Variants in RUNX1 observed in about 807,000 individuals in gnomAD.
The protein encoded by RUNX1 is runt-related transcription factor 1.
A neutral mutation model predicts 42.8 loss-of-function variants in RUNX1; 19 were observed. The observed-to-expected ratio is 0.44, with a 90% CI of 0.31 to 0.65. The LOEUF (loss-of-function observed/expected upper bound fraction) is 0.65, where lower values mean the gene tolerates loss of function less well. RUNX1 is among the 30% of genes least tolerant of loss of function. RUNX1 has a pLI of 0.07. For missense variants in RUNX1, 528 were observed against 672.0 expected, an observed-to-expected ratio of 0.79 and a Z score of 2.37; for synonymous variants, 271 against 289.4, an observed-to-expected ratio of 0.94 and a Z score of 0.64.
intron 4 of RUNX1, among the ~76,000 whole-genome samples, chr21:34,885,630 A>G (rs1417303248): frequency 6.6e-6 from 1 of 152,250 alleles, no homozygotes; most frequent in East Asian, 1.9e-4. Context: ...AATAACCGCA[A>G]CAATACTTTT....
chr21:35,001,554 A>G (rs903385040), intron 2 of RUNX1, among the ~76,000 whole-genome samples: 4 of 152,164 alleles, frequency 2.6e-5, no homozygotes, highest in African/African-American at 9.7e-5. Context: ...CCGAATGATA[A>G]ACTACTGAAA....
chr21:34,818,072 A>G (rs963295303), intron 7 of RUNX1, among the ~76,000 whole-genome samples: 2 of 152,234 alleles, frequency 1.3e-5, no homozygotes, highest in African/African-American at 4.8e-5. Context: ...TGTCACTGAA[A>G]TGTCAGCAGT....
intron 2 of RUNX1, among the ~76,000 whole-genome samples, chr21:34,987,133 G>C (rs2058893783): frequency 6.6e-6 from 1 of 152,228 alleles, no homozygotes; most frequent in Non-Finnish European, 1.5e-5. Flanking sequence ...GGCTGAAAGA[G>C]GAACGTTGTT....
intron 2 of RUNX1, among the ~76,000 whole-genome samples, chr21:34,963,911 T>A (rs1388291423): frequency 1.3e-5 from 2 of 152,168 alleles, no homozygotes; most frequent in Non-Finnish European, 2.9e-5. Context: ...ACACCTGATC[T>A]CTGTATATTC....
intron 7 of RUNX1, among the ~76,000 whole-genome samples, chr21:34,819,073 G>T (rs1280565112): frequency 6.6e-6 from 1 of 152,188 alleles, no homozygotes; most frequent in Non-Finnish European, 1.5e-5. Context: ...CTAACAAGGG[G>T]TCTAGTTTTC....
At chr21:34,944,024 T>A (rs987682823) in intron 2 of RUNX1, among the ~76,000 whole-genome samples, 1 of 152,192 alleles carries the variant, frequency 6.6e-6, no homozygotes. Flanking sequence ...TTTTTACTTT[T>A]TAAAGATGAG....
intron 2 of RUNX1, among the ~76,000 whole-genome samples, chr21:34,906,177 G>A (rs1308517587): frequency 7.9e-5 from 12 of 152,182 alleles, no homozygotes; most frequent in African/African-American, 2.9e-4. Context: ...CAAGAAAACA[G>A]TTTATCATAC....
intron 2 of RUNX1, among the ~76,000 whole-genome samples, chr21:34,944,366 C>T (rs1459838503): frequency 6.6e-6 from 1 of 152,102 alleles, no homozygotes; most frequent in Admixed American, 6.6e-5. Flanking sequence ...TAGAGAATTC[C>T]CCTGAATTAC....
chr21:34,972,804 A>G (rs2058772368), intron 2 of RUNX1, among the ~76,000 whole-genome samples: 1 of 152,108 alleles, frequency 6.6e-6, no homozygotes, highest in African/African-American at 2.4e-5. Context: ...CTTCTTTTAT[A>G]ATAATCCCAT....
At chr21:34,868,462 G>A (rs544492486) in intron 5 of RUNX1, among the ~76,000 whole-genome samples, 2 of 152,206 alleles carry the variant, frequency 1.3e-5, no homozygotes, top group East Asian at 1.9e-4. Context: ...CTATCTCTCT[G>A]TAAGGCTCCC....
At chr21:34,893,656 G>A (rs1569090808) in intron 2 of RUNX1, among the ~76,000 whole-genome samples, 1 of 151,736 alleles carries the variant, frequency 6.6e-6, no homozygotes, top group Non-Finnish European at 1.5e-5. Flanking sequence ...CTTGTATATT[G>A]ATAACAGCAC....
intron 7 of RUNX1, among the ~76,000 whole-genome samples, chr21:34,810,309 T>A (rs193099230): frequency 3.3e-5 from 5 of 152,376 alleles, no homozygotes; most frequent in African/African-American, 1.2e-4. Flanking sequence ...TAAGGCAGGC[T>A]TATTGGATTT....
At chr21:34,870,020 C>T (rs758547326) in intron 5 of RUNX1, among the ~76,000 whole-genome samples, 1 of 152,166 alleles carries the variant, frequency 6.6e-6, no homozygotes, top group African/African-American at 2.4e-5. Context: ...CTTCAAATTA[C>T]AGTACATATT....
intron 3 of RUNX1, chr21:34,888,575 T>G (rs1387157792): frequency 2.8e-6 from 3 of 1,061,620 alleles, no homozygotes; most frequent in Non-Finnish European, 3.4e-6. Flanking sequence ...GACTTCCTTC[T>G]GGCGTCCCTA....
chr21:34,886,492 A>G (rs1001484658), intron 4 of RUNX1, among the ~76,000 whole-genome samples: 3 of 152,236 alleles, frequency 2.0e-5, no homozygotes, highest in Non-Finnish European at 4.4e-5. Flanking sequence ...GGCAGCAGTA[A>G]GTTAGCAGAC....
At chr21:34,997,872 G>A (rs986380860) in intron 2 of RUNX1, among the ~76,000 whole-genome samples, 3 of 152,084 alleles carry the variant, frequency 2.0e-5, no homozygotes, top group African/African-American at 7.2e-5. Flanking sequence ...CAATCTGGGC[G>A]CTTCATTTTG....
intron 2 of RUNX1, among the ~76,000 whole-genome samples, chr21:34,915,499 A>G (rs1456480395): frequency 6.6e-6 from 1 of 152,240 alleles, no homozygotes; most frequent in Non-Finnish European, 1.5e-5. Flanking sequence ...AAAAAGACTC[A>G]TGTTCATGGA....
Position 35,048,962 on chromosome 21 carries a change from C to T in RUNX1, c.-59-4G>A, listed in dbSNP as rs1386213821. The T allele has an allele frequency of 4.0e-6, 6 of 1,498,490 alleles. No homozygotes were observed. The Admixed American group carries it at 5.0e-5, about 13-fold the overall frequency. The allele number at this position is 1,498,490 out of a possible 1,614,324, so 92.8% of individuals were successfully genotyped here. A position where few individuals can be genotyped will look rare whatever the true frequency, so the allele number is the denominator to read the frequency against. On this transcript the variant is annotated splice_polypyrimidine_tract_variant and splice_region_variant and intron_variant, in intron 1 of 8. Transcript: ENST00000675419. ...GGGACTCAATGATTTCTTTTACCTTCGGAGCGAAAACCAAGACAGGTCACT... is the reference window on the plus strand; with the variant it reads ...GGGACTCAATGATTTCTTTTACCTTTGGAGCGAAAACCAAGACAGGTCACT...
intron 3 of RUNX1, among the ~76,000 whole-genome samples, chr21:34,889,408 G>A (rs113111621): frequency 0.038 from 5,709 of 152,236 alleles, 143 homozygotes; most frequent in East Asian, 0.094. Context: ...CTGCGCCCGG[G>A]CCGCGGCTCG....
Sources: gnomAD v4.1 joint callset for allele counts (sites outside exome capture counted in the v4.1 genomes callset) on GRCh38, gnomAD v4.1.1 for gene constraint, MANE v1.5 for transcripts, NCBI Gene and HGNC (gene_info 2026-07-23, HGNC 2026-07-21) for gene names.